DNA2: variants seen among roughly 807,000 people sequenced by gnomAD.
DNA2 encodes the protein DNA replication ATP-dependent helicase/nuclease DNA2.
DNA2 carries 101 observed loss-of-function variants against 119.1 expected under a neutral mutation model. The ratio of observed to expected loss-of-function variants is 0.85; its 90% CI spans 0.72 to 1.00. The LOEUF is 1.00. Ranked by LOEUF, DNA2 falls within the 50% of genes least tolerant of loss-of-function variation. The probability of loss-of-function intolerance (pLI) is 0.00; values close to 1 mark genes in which losing one functional copy is unlikely to be tolerated. For missense variants in DNA2, 1,121 were observed against 1,255.5 expected, an observed-to-expected ratio of 0.89 and a Z score of 1.62; for synonymous variants, 366 against 424.4, an observed-to-expected ratio of 0.86 and a Z score of 1.69.
At chr10:68,472,454 G>T (rs1353187349), upstream of DNA2, among the ~76,000 whole-genome samples, 1 of 152,160 alleles carries the variant, frequency 6.6e-6, no homozygotes, top group Non-Finnish European at 1.5e-5. Context: ...AAAACTTCTG[G>T]CCAGGCATGG....
chr10:68,445,082 T>C lies in DNA2; in HGVS notation c.1059A>G (p.Glu353=), dbSNP rs745456116. ...CCATCTGGTTTCTTAGCTTTAATAATTCTATGAAAAAAAAGGTGAATGTCT... is the reference window on the plus strand; with the variant it reads ...CCATCTGGTTTCTTAGCTTTAATAACTCTATGAAAAAAAAGGTGAATGTCT... ...PVPANHLDKR[E]LLKLRNQMAF... The change falls in exon 8 of 21, where the codon GAA becomes GAG. Residue 353 remains glutamate, a splice_region_variant and synonymous_variant. Transcript: ENST00000358410. 27 of 1,586,290 alleles carry C rather than the reference T, an allele frequency of 1.7e-5. No homozygotes were observed. The South Asian group carries it at 3.1e-4, about 18-fold the overall frequency.
chr10:68,423,285 A>AT (rs1040200443), intron 14 of DNA2, among the ~76,000 whole-genome samples: 6 of 138,268 alleles, frequency 4.3e-5, no homozygotes, highest in Non-Finnish European at 6.1e-5. Context: ...GGCATTATAT[A>AT]TAAAAAAAAA....
chr10:68,472,171 C>G, upstream of DNA2: 3 of 1,306,542 alleles, frequency 2.3e-6, no homozygotes, highest in Non-Finnish European at 3.0e-6. Flanking sequence ...CACTCCAACC[C>G]GTGTCCGAAA....
chr10:68,442,993 T>G lies in DNA2; in HGVS notation c.1339A>C (p.Met447Leu). The G allele has an allele frequency of 6.2e-7, 1 of 1,612,574 alleles. No individual in the cohort carries two copies. Among genetic ancestry groups the G allele is most frequent in the Non-Finnish European group, 8.5e-7 (1 of 1,179,210 alleles). Residue 447 changes from methionine (M) to leucine (L), a missense_variant, in exon 9 of 21, where the codon ATG becomes CTG. Met to Leu is a conservative substitution (Grantham distance 15, BLOSUM62 2). Transcript: ENST00000358410. ...HLEYFSLWCL[M>L]LTLESQSKDN... ...TTCGATTGTGACTCCAGGGTTAACATTAGACACCAAAGGCTGAAATATTCT... is the reference window on the plus strand; with the variant it reads ...TTCGATTGTGACTCCAGGGTTAACAGTAGACACCAAAGGCTGAAATATTCT...
At chr10:68,415,438 G>A (rs547338149) in intron 20 of DNA2, among the ~76,000 whole-genome samples, 15 of 151,312 alleles carry the variant, frequency 9.9e-5, no homozygotes, top group South Asian at 8.4e-4. Context: ...CACCATGCCC[G>A]GCTAATTTTG....
At chr10:68,434,699 C>G (rs979559442) in intron 10 of DNA2, among the ~76,000 whole-genome samples, 1 of 152,036 alleles carries the variant, frequency 6.6e-6, no homozygotes, top group African/African-American at 2.4e-5. Flanking sequence ...ATAAATTCCT[C>G]AAGGATTTGC....
intron 17 of DNA2, among the ~76,000 whole-genome samples, chr10:68,420,217 C>A (rs2051646505): frequency 6.6e-6 from 1 of 152,162 alleles, no homozygotes; most frequent in African/African-American, 2.4e-5. Context: ...TTTCCCAAGG[C>A]CTCACAATAA....
Position 68,450,255 on chromosome 10 carries a change from A to G in DNA2, c.720-8T>C, listed in dbSNP as rs201228322. 6.5e-7 allele frequency: 1 copy of G among 1,548,304 alleles called. No individual in the cohort carries two copies. The highest frequency in any genetic ancestry group is 1.4e-5 in the African/African-American group (1 of 73,148). On this transcript the variant is annotated splice_region_variant and splice_polypyrimidine_tract_variant and intron_variant, in intron 5 of 20. Transcript: ENST00000358410. ...TTACTATTATCACTTGGCCTGAAAA[A>G]AAAAAAAGCACAAAAACACTTAATT...
intron 9 of DNA2, among the ~76,000 whole-genome samples, chr10:68,439,184 TGA>T (rs1417624099): frequency 6.6e-6 from 1 of 150,428 alleles, no homozygotes; most frequent in Non-Finnish European, 1.5e-5. Context: ...CACGTGAGGT[TGA>T]GAGTTCAAGA....
At chr10:68,439,755 T>C (rs2051941728) in intron 9 of DNA2, among the ~76,000 whole-genome samples, 1 of 151,868 alleles carries the variant, frequency 6.6e-6, no homozygotes, top group Non-Finnish European at 1.5e-5. Flanking sequence ...AGAGAATCAC[T>C]TGAATTCAGG....
At position 68,454,847 on chromosome 10, in the gene DNA2, GAAAT is replaced by G. The variant is rs929789356; in HGVS notation, c.719+4253_719+4256del. On this transcript the variant is annotated intron_variant, in intron 5 of 20. Coordinates refer to ENST00000358410, the MANE Select transcript of DNA2 (RefSeq NM_001080449.3). ...TTCAAGCAAATGTAAATGACAAAAA[GAAAT>G]AAAGGAGGAAGGAGGGGGAAAAAAG... Among the ~76,000 whole-genome samples, 9 of 150,086 alleles carry G rather than the reference GAAAT, an allele frequency of 6.0e-5. No individual in the cohort carries two copies. The South Asian group carries it at 6.3e-4, about 11-fold the overall frequency.
rs1239079077 is a variant in DNA2 at position 68,446,411 on chromosome 10, A to C, written c.942T>G (p.Val314=). 6.4e-7 allele frequency: 1 copy of C among 1,556,632 alleles called. No homozygotes were observed. The highest frequency in any genetic ancestry group is 2.3e-5 in the East Asian group (1 of 43,534). The change falls in exon 7 of 21, where the codon GTT becomes GTG. Residue 314 remains valine, a splice_region_variant and synonymous_variant. Transcript: ENST00000358410. ...CTTGGCTTAGTAGAGTGTACAGAAC[A>C]ACCTGTGCAAACATTGACATTTGCT... ...ESNSIEHRSQ[V]VLYTLLSQER... is the part of the protein sequence containing the mutation.
At chr10:68,449,700 G>C (rs1054187827) in intron 6 of DNA2, among the ~76,000 whole-genome samples, 1 of 152,140 alleles carries the variant, frequency 6.6e-6, no homozygotes, top group African/African-American at 2.4e-5. Flanking sequence ...GAGGAAGGCA[G>C]ATCACGAGGT....
intron 14 of DNA2, among the ~76,000 whole-genome samples, chr10:68,423,328 G>A (rs1354289517): frequency 6.6e-6 from 1 of 151,724 alleles, no homozygotes; most frequent in Admixed American, 6.6e-5. Context: ...GTGGAGAGAA[G>A]GCAGACCAGC....
At chr10:68,448,062 TAGAG>T (rs1169879256) in intron 6 of DNA2, among the ~76,000 whole-genome samples, 1 of 150,130 alleles carries the variant, frequency 6.7e-6, no homozygotes, top group African/African-American at 2.5e-5. Flanking sequence ...AAGAATTCTA[TAGAG>T]AATTTTCTTA....
Position 68,435,312 on chromosome 10 carries a change from G to A in DNA2, c.1646+1699C>T, listed in dbSNP as rs190456749. 1.7e-3 allele frequency among the ~76,000 whole-genome samples: 261 copies of A among 151,848 alleles called. 1 individual carries two copies. Among genetic ancestry groups the A allele is most frequent in the African/African-American group, 6.1e-3 (252 of 41,370 alleles). ...GATATACCCACCTCAGCCTCCCAGTGTGCTAGGATTACAGGCGTGCACCAC... is the reference window on the plus strand; with the variant it reads ...GATATACCCACCTCAGCCTCCCAGTATGCTAGGATTACAGGCGTGCACCAC... On this transcript the variant is annotated intron_variant, in intron 10 of 20. Coordinates refer to ENST00000358410, the MANE Select transcript of DNA2 (RefSeq NM_001080449.3).
At chr10:68,465,607 T>C in intron 4 of DNA2, 60 bp downstream of exon 4, 2 of 1,281,812 alleles carry the variant, frequency 1.6e-6, no homozygotes, top group South Asian at 3.5e-5. Flanking sequence ...TACTTTATAG[T>C]TTCTAGGACA....
At chr10:68,426,071 G>A (rs1010863463) in intron 14 of DNA2, among the ~76,000 whole-genome samples, 7 of 152,010 alleles carry the variant, frequency 4.6e-5, no homozygotes, top group Non-Finnish European at 1.0e-4. Flanking sequence ...AGGAGGCAGA[G>A]GTTACAGAGA....
chr10:68,470,609 G>T (rs931648194), intron 1 of DNA2: 1 of 452,228 alleles, frequency 2.2e-6, no homozygotes, highest in East Asian at 7.0e-5. Flanking sequence ...AAAAGACCCC[G>T]GTTCTGGCGG....
Sources: allele counts gnomAD v4.1 joint callset (sites outside exome capture counted in the v4.1 genomes callset), GRCh38; gene constraint gnomAD v4.1.1; transcripts MANE v1.5; gene names NCBI Gene and HGNC (gene_info 2026-07-23, HGNC 2026-07-21).